CLEC16A: variants seen among roughly 807,000 people sequenced by gnomAD.
CLEC16A encodes the protein C-type lectin domain containing 16A, also known as protein CLEC16A.
In CLEC16A, 51 loss-of-function variants were observed where a neutral mutation model predicts 109.5. The ratio of observed to expected loss-of-function variants is 0.47; its 90% CI spans 0.37 to 0.59. The LOEUF (loss-of-function observed/expected upper bound fraction) is 0.59. Among genes scored for constraint, CLEC16A ranks in the 20% least tolerant of loss-of-function variants. CLEC16A has a pLI of 0.00. For synonymous variants in CLEC16A, 673 were observed against 564.2 expected, an observed-to-expected ratio of 1.19 and a Z score of -2.73; for missense variants, 1,339 against 1,394.0, an observed-to-expected ratio of 0.96 and a Z score of 0.63.
chr16:11,144,839 G>A (rs942181762), intron 22 of CLEC16A, among the ~76,000 whole-genome samples: 36 of 152,258 alleles, frequency 2.4e-4, no homozygotes, highest in African/African-American at 8.7e-4. Flanking sequence ...TTTCAGGAGA[G>A]GCCAATTCCA....
At chr16:11,015,601 G>A (rs1366167275) in intron 11 of CLEC16A, among the ~76,000 whole-genome samples, 1 of 152,198 alleles carries the variant, frequency 6.6e-6, no homozygotes, top group Non-Finnish European at 1.5e-5. Flanking sequence ...GTGGTGGGAT[G>A]CCCTGGAAAA....
rs556098407 is a variant in CLEC16A, at chr16:10,956,564, G to C, written c.81-1218G>C. On this transcript the variant is annotated intron_variant, in intron 1 of 23. Coordinates refer to ENST00000409790, the MANE Select transcript of CLEC16A (RefSeq NM_015226.3). ...TTGACAGGTGAAGTTACCTGGGGCT[G>C]TGGGCCCTGGAGAAGCCATCTTAAA... Among the ~76,000 whole-genome samples, 3 of 152,332 alleles carry C rather than the reference G, an allele frequency of 2.0e-5. No individual in the cohort carries two copies. In the South Asian group the frequency reaches 6.2e-4, roughly 32 times the overall value.
chr16:10,951,772 G>C lies in CLEC16A; in HGVS notation c.81-6010G>C, dbSNP rs142755379. On this transcript the variant is annotated intron_variant, in intron 1 of 23. Transcript: ENST00000409790. ...CATTTTAATTTGCTGCCGTTAAGTA[G>C]CAAGGTAATTATTCTGTCCTTTGAA... Among the ~76,000 whole-genome samples the C allele has an allele frequency of 1.9e-3, 282 of 152,338 alleles. 2 individuals are homozygous for C. Among genetic ancestry groups the C allele is most frequent in the African/African-American group, 6.3e-3 (263 of 41,570 alleles).
intron 19 of CLEC16A, 35 bp from the exon 20 acceptor site, chr16:11,120,580 T>A (rs200947280): frequency 3.4e-5 from 54 of 1,582,546 alleles, no homozygotes; most frequent in Non-Finnish European, 3.9e-5. Context: ...GCAGCCAGAC[T>A]GTGCCTCATT....
chr16:11,122,896 C>CCT (rs2052531550), intron 20 of CLEC16A, among the ~76,000 whole-genome samples: 1 of 73,772 alleles, frequency 1.4e-5, no homozygotes, highest in African/African-American at 5.8e-5. Context: ...CTATCCCTTT[C>CCT]TTTTTTTTTT....
intron 11 of CLEC16A, among the ~76,000 whole-genome samples, chr16:11,003,600 G>A (rs1469204184): frequency 6.6e-6 from 1 of 152,178 alleles, no homozygotes; most frequent in Non-Finnish European, 1.5e-5. Context: ...ACTTTGTAGT[G>A]TTCATACAAG....
At chr16:11,099,993 C>G (rs1388346152) in intron 19 of CLEC16A, among the ~76,000 whole-genome samples, 2 of 152,000 alleles carry the variant, frequency 1.3e-5, no homozygotes, top group African/African-American at 2.4e-5. Context: ...GCACGGCTGA[C>G]TGGGTACACA....
At chr16:11,030,148 C>T (rs1464776498) in intron 13 of CLEC16A, among the ~76,000 whole-genome samples, 1 of 152,154 alleles carries the variant, frequency 6.6e-6, no homozygotes, top group Non-Finnish European at 1.5e-5. Context: ...TGGGTTGTTT[C>T]CAGTTTTGGA....
chr16:11,170,886 T>C (rs760109815), intron 23 of CLEC16A, among the ~76,000 whole-genome samples: 4 of 152,208 alleles, frequency 2.6e-5, no homozygotes, highest in Non-Finnish European at 4.4e-5. Context: ...TGACAGCCGA[T>C]GCAGAACAGT....
intron 17 of CLEC16A, among the ~76,000 whole-genome samples, chr16:11,050,947 G>C (rs777403646): frequency 1.3e-5 from 2 of 152,224 alleles, no homozygotes; most frequent in African/African-American, 4.8e-5. Context: ...CTCATGTCTT[G>C]GCTCTGCCAC....
chr16:11,014,660 G>T (rs1410871061), intron 11 of CLEC16A, among the ~76,000 whole-genome samples: 1 of 152,212 alleles, frequency 6.6e-6, no homozygotes, highest in Admixed American at 6.5e-5. Context: ...TCATAACTGA[G>T]GTTCAGTCAG....
At chr16:11,119,054 T>A (rs1304194144) in intron 19 of CLEC16A, among the ~76,000 whole-genome samples, 1 of 152,260 alleles carries the variant, frequency 6.6e-6, no homozygotes, top group Non-Finnish European at 1.5e-5. Flanking sequence ...CAGGCTGAAG[T>A]GCTGTGGTGC....
At chr16:11,106,413 G>A (rs760618994) in intron 19 of CLEC16A, among the ~76,000 whole-genome samples, 60 of 150,362 alleles carry the variant, frequency 4.0e-4, no homozygotes, top group Middle Eastern at 3.5e-3. Context: ...TTCGGCCTCC[G>A]AAGCAGCTAG....
rs1175413524 is a variant in CLEC16A at position 11,060,979 on chromosome 16, T to G, written c.2073T>G (p.Thr691=). ...AGCCTGAGACACAGTTGCCGCTGAC[T>G]CGGGAGGAGGACCTGATCAAGACTG... The part of the protein sequence containing the change: ...RGEPETQLPL[T]REEDLIKTDD... Residue 691 remains threonine (T), a synonymous_variant, in exon 19 of 24, where the codon ACT becomes ACG. Transcript: ENST00000409790. 4 of 1,612,242 alleles carry G rather than the reference T, an allele frequency of 2.5e-6. No homozygotes were observed. Among genetic ancestry groups the G allele is most frequent in the Non-Finnish European group, 3.4e-6 (4 of 1,179,532 alleles).
chr16:11,047,026 T>A (rs2047670189), intron 16 of CLEC16A, among the ~76,000 whole-genome samples: 1 of 151,566 alleles, frequency 6.6e-6, no homozygotes, highest in South Asian at 2.1e-4. Flanking sequence ...GTTTTTTTTT[T>A]AATTAACTGC....
At position 10,964,099 on chromosome 16, in the gene CLEC16A, A is replaced by C. The variant is rs545295732; in HGVS notation, c.343+1511A>C. 2.6e-5 allele frequency among the ~76,000 whole-genome samples: 4 copies of C among 152,346 alleles called. No homozygotes were observed. In the South Asian group the frequency reaches 8.3e-4, roughly 32 times the overall value. On this transcript the variant is annotated intron_variant, in intron 3 of 23. Transcript: ENST00000409790. ...AAGTCCCCAGGACAGGTCTGAAAAA[A>C]GTCTGCAGTGGGCAGAAAGAGGTAG...
intron 22 of CLEC16A, among the ~76,000 whole-genome samples, chr16:11,147,702 T>G (rs926862211): frequency 1.3e-5 from 2 of 152,224 alleles, no homozygotes; most frequent in Non-Finnish European, 2.9e-5. Context: ...TCAATGAAAC[T>G]GTTGTATTAA....
intron 21 of CLEC16A, among the ~76,000 whole-genome samples, chr16:11,125,061 C>G (rs1275914531): frequency 6.6e-6 from 1 of 152,166 alleles, no homozygotes; most frequent in Non-Finnish European, 1.5e-5. Context: ...TGCACTCCAT[C>G]TTAGGAGACG....
intron 1 of CLEC16A, among the ~76,000 whole-genome samples, chr16:10,953,529 A>T (rs1045488899): frequency 6.6e-5 from 10 of 152,240 alleles, no homozygotes; most frequent in African/African-American, 2.4e-4. Flanking sequence ...AACTACATTA[A>T]AATTAAGAAC....
Sources: allele counts gnomAD v4.1 joint callset (sites outside exome capture counted in the v4.1 genomes callset), GRCh38; gene constraint gnomAD v4.1.1; transcripts MANE v1.5; gene names NCBI Gene and HGNC (gene_info 2026-07-23, HGNC 2026-07-21).